Variants in CLTRN observed in about 807,000 individuals in gnomAD.
CLTRN encodes collectrin.
A neutral mutation model predicts 14.5 loss-of-function variants in CLTRN; 12 were observed. The observed-to-expected ratio is 0.83, with a 90% CI of 0.53 to 1.34. The LOEUF is 1.34. Ranked by LOEUF, CLTRN falls within the 40% of genes most tolerant of loss-of-function variation. CLTRN has a pLI of 0.00. For synonymous variants in CLTRN, 58 were observed against 56.5 expected, an observed-to-expected ratio of 1.03 and a Z score of -0.12; for missense variants, 154 against 165.1, an observed-to-expected ratio of 0.93 and a Z score of 0.37.
intron 3 of CLTRN, chrX:15,646,458 A>ACT: frequency 4.4e-6 from 1 of 228,795 alleles, no homozygotes. Flanking sequence ...AAAACCGCGC[A>ACT]CCCACCCCCC....
At chrX:15,670,484 C>A (rs938779177) in intron 1 of CLTRN, among the ~76,000 whole-genome samples, 2 of 111,267 alleles carry the variant, frequency 1.8e-5, no homozygotes, top group Non-Finnish European at 3.8e-5. Context: ...ATATAATAAA[C>A]AATATCAAGA....
At chrX:15,651,593 T>C (rs1929217818) in intron 3 of CLTRN, among the ~76,000 whole-genome samples, 1 of 111,672 alleles carries the variant, frequency 9.0e-6, no homozygotes, top group African/African-American at 3.3e-5. Context: ...CCTGTTTTAA[T>C]TTGATCAGTT....
At chrX:15,667,468 A>G (rs1183601851), upstream of CLTRN, among the ~76,000 whole-genome samples, 4 of 111,887 alleles carry the variant, frequency 3.6e-5, no homozygotes, top group Non-Finnish European at 7.5e-5. Context: ...TCTTTTCAAA[A>G]AGAGCAATAG....
intron 5 of CLTRN, among the ~76,000 whole-genome samples, chrX:15,638,564 T>C (rs1236892374): frequency 8.9e-6 from 1 of 112,136 alleles, no homozygotes; most frequent in East Asian, 2.8e-4. Flanking sequence ...TGCATGTCAC[T>C]GTAATTACCA....
intron 3 of CLTRN, chrX:15,646,773 C>T: frequency 3.0e-6 from 1 of 337,700 alleles, no homozygotes; most frequent in South Asian, 2.6e-5. Context: ...CTACATGAAG[C>T]GGTGGCTTTG....
intron 2 of CLTRN, among the ~76,000 whole-genome samples, chrX:15,661,871 C>T (rs948540303): frequency 3.8e-4 from 43 of 112,187 alleles, no homozygotes; most frequent in African/African-American, 1.1e-3. Context: ...ATATATTTAT[C>T]TATCAGTTTA....
intron 2 of CLTRN, 128 bp downstream of exon 2, chrX:15,664,209 C>T: frequency 2.2e-6 from 1 of 447,144 alleles, no homozygotes; most frequent in Non-Finnish European, 3.8e-6. Context: ...TTTAAGAAAT[C>T]AGATTTGAGG....
rs773727107 is a variant in CLTRN at position 15,664,742 on chromosome X, T to C, written c.34A>G (p.Ile12Val). The C allele has an allele frequency of 1.7e-6, 2 of 1,209,862 alleles. No individual in the cohort carries two copies. Among genetic ancestry groups the C allele is most frequent in the Non-Finnish European group, 2.2e-6 (2 of 894,406 alleles). Residue 12 changes from isoleucine (I) to valine (V), a missense_variant, in exon 1 of 6, where the codon ATT becomes GTT. Physicochemically the swap from Ile to Val is conservative, Grantham distance 29 (BLOSUM62 3). Coordinates refer to ENST00000380342, the MANE Select transcript of CLTRN (RefSeq NM_020665.6). ...CCTGGTTGACAGAGTTCAGCATGAA[T>C]GGCAGTCACCAGAAAAAAGAGCAGC... ...LWLLFFLVTA[I>V]HAELCQPGAE...
chrX:15,628,199 C>T (rs1467097375), intron 5 of CLTRN, 72 bp from the exon 6 acceptor site: 7 of 782,978 alleles, frequency 8.9e-6, no homozygotes, highest in South Asian at 6.1e-5. Flanking sequence ...GTCTTCTGAA[C>T]GAACATGGAG....
intron 3 of CLTRN, 110 bp from the exon 4 acceptor site, chrX:15,645,139 A>G (rs778413092): frequency 1.7e-5 from 7 of 407,017 alleles, no homozygotes; most frequent in Non-Finnish European, 2.9e-5. Context: ...GCTATGTTTA[A>G]AAAGTCATTT....
intron 4 of CLTRN, among the ~76,000 whole-genome samples, chrX:15,641,640 G>C (rs1382788063): frequency 1.0e-5 from 1 of 100,074 alleles, no homozygotes; most frequent in Admixed American, 1.2e-4. Context: ...ACCTGGCTGT[G>C]TGTGTGTGTG....
chrX:15,639,402 A>G (rs1928886705), intron 5 of CLTRN, among the ~76,000 whole-genome samples, 160 bp downstream of exon 5: 1 of 112,338 alleles, frequency 8.9e-6, no homozygotes, highest in South Asian at 3.7e-4. Context: ...AAATATATCT[A>G]AAGAAAAGAG....
At chrX:15,667,657 G>A (rs1289838186), upstream of CLTRN, among the ~76,000 whole-genome samples, 1 of 111,933 alleles carries the variant, frequency 8.9e-6, no homozygotes, top group African/African-American at 3.2e-5. Context: ...AAACAAAACT[G>A]GGGTCATGCT....
At chrX:15,640,181 G>A (rs1470447846) in intron 4 of CLTRN, among the ~76,000 whole-genome samples, 1 of 112,045 alleles carries the variant, frequency 8.9e-6, no homozygotes, top group Admixed American at 9.4e-5. Flanking sequence ...CCACCAGTGT[G>A]CCATGTCAGT....
upstream of CLTRN, among the ~76,000 whole-genome samples, chrX:15,668,094 A>T (rs111718431): frequency 0.023 from 2,635 of 112,253 alleles, 74 homozygotes; most frequent in African/African-American, 0.082. Flanking sequence ...TAGACAATAT[A>T]GAGAAGCAAA....
chrX:15,652,113 T>C (rs1266815414), intron 3 of CLTRN, among the ~76,000 whole-genome samples: 1 of 112,317 alleles, frequency 8.9e-6, no homozygotes, highest in Non-Finnish European at 1.9e-5. Context: ...GATACAAATT[T>C]CTTCCAGTTA....
chrX:15,661,460 C>A (rs1347470004), intron 2 of CLTRN, among the ~76,000 whole-genome samples: 1 of 112,130 alleles, frequency 8.9e-6, no homozygotes, highest in Non-Finnish European at 1.9e-5. Context: ...GGTATCCTGC[C>A]AGTGGAACCA....
At chrX:15,660,096 A>G in intron 2 of CLTRN, among the ~76,000 whole-genome samples, 1 of 111,412 alleles carries the variant, frequency 9.0e-6, no homozygotes, top group Non-Finnish European at 1.9e-5. Context: ...GGGGGTTGGT[A>G]TATCACAAGG....
At chrX:15,643,574 T>C (rs181555534) in intron 4 of CLTRN, among the ~76,000 whole-genome samples, 4 of 112,326 alleles carry the variant, frequency 3.6e-5, no homozygotes, top group East Asian at 5.6e-4. Flanking sequence ...AAGACATGAA[T>C]AAAATCTTTT....
Sources: allele counts gnomAD v4.1 joint callset (sites outside exome capture counted in the v4.1 genomes callset), GRCh38; gene constraint gnomAD v4.1.1; transcripts MANE v1.5; gene names NCBI Gene and HGNC (gene_info 2026-07-23, HGNC 2026-07-21).